The following GRIK4 variants were observed in gnomAD, a reference collection of about 807,000 sequenced individuals.
GRIK4 encodes glutamate ionotropic receptor kainate type subunit 4.
In GRIK4, 40 loss-of-function variants were observed where a neutral mutation model predicts 104.9. The ratio of observed to expected loss-of-function variants is 0.38; its 90% CI spans 0.30 to 0.50. The LOEUF is 0.50. Ranked by LOEUF, GRIK4 falls within the 20% of genes least tolerant of loss-of-function variation. GRIK4 has a pLI of 0.93. For synonymous variants in GRIK4, 485 were observed against 524.9 expected, an observed-to-expected ratio of 0.92 and a Z score of 1.04; for missense variants, 1,047 against 1,308.1, an observed-to-expected ratio of 0.80 and a Z score of 3.08.
intron 1 of GRIK4, among the ~76,000 whole-genome samples, chr11:120,646,404 A>G (rs190152999): frequency 1.1e-3 from 163 of 152,326 alleles, no homozygotes; most frequent in African/African-American, 3.7e-3. Context: ...TTTAAAACAG[A>G]TGCAGAGCTT....
At chr11:120,774,393 C>T (rs1212662666) in intron 3 of GRIK4, among the ~76,000 whole-genome samples, 3 of 152,130 alleles carry the variant, frequency 2.0e-5, no homozygotes, top group African/African-American at 7.2e-5. Flanking sequence ...AATTGGCTCA[C>T]ATGGTTATGG....
chr11:120,853,428 G>C (rs1272731254), intron 8 of GRIK4, among the ~76,000 whole-genome samples: 1 of 152,186 alleles, frequency 6.6e-6, no homozygotes, highest in Non-Finnish European at 1.5e-5. Flanking sequence ...CCGTAGTCTA[G>C]GACCAAGCTG....
intron 1 of GRIK4, among the ~76,000 whole-genome samples, chr11:120,647,918 G>T (rs1198571334): frequency 6.6e-6 from 1 of 152,214 alleles, no homozygotes; most frequent in Non-Finnish European, 1.5e-5. Context: ...GAGCTGGGTG[G>T]GTCCCAAGCA....
At chr11:120,726,240 T>G (rs761064793) in intron 3 of GRIK4, among the ~76,000 whole-genome samples, 7 of 152,194 alleles carry the variant, frequency 4.6e-5, no homozygotes, top group Non-Finnish European at 8.8e-5. Context: ...TAGGGTCTTG[T>G]AAGCCATAGT....
chr11:120,566,682 T>C (rs934465730), intron 1 of GRIK4, among the ~76,000 whole-genome samples: 4 of 151,646 alleles, frequency 2.6e-5, no homozygotes, highest in Admixed American at 6.6e-5. Flanking sequence ...TATCACAAGA[T>C]TTTTTTTCTT....
intron 6 of GRIK4, among the ~76,000 whole-genome samples, chr11:120,828,282 A>G (rs949916150): frequency 3.9e-5 from 6 of 152,240 alleles, no homozygotes; most frequent in African/African-American, 1.4e-4. Context: ...ACATCTATGC[A>G]CATACACATA....
chr11:120,603,918 C>T (rs1182506670), intron 1 of GRIK4, among the ~76,000 whole-genome samples: 1 of 143,524 alleles, frequency 7.0e-6, no homozygotes, highest in Non-Finnish European at 1.5e-5. Context: ...TGCCTATAAC[C>T]CCAGCACTTT....
chr11:120,588,109 G>T (rs1447525513), intron 1 of GRIK4, among the ~76,000 whole-genome samples: 1 of 152,154 alleles, frequency 6.6e-6, no homozygotes, highest in African/African-American at 2.4e-5. Context: ...TGTGTGGGCG[G>T]CCAGAGGGGC....
intron 1 of GRIK4, among the ~76,000 whole-genome samples, chr11:120,539,817 T>C (rs1278085146): frequency 6.6e-6 from 1 of 152,206 alleles, no homozygotes; most frequent in Admixed American, 6.5e-5. Flanking sequence ...CCTGGAGGGC[T>C]AAATAGGCAG....
chr11:120,975,606 G>A (rs980892953), intron 19 of GRIK4, among the ~76,000 whole-genome samples: 11 of 152,124 alleles, frequency 7.2e-5, no homozygotes, highest in African/African-American at 2.7e-4. Flanking sequence ...TCAAACATGC[G>A]ATGTCATGTT....
intron 9 of GRIK4, 159 bp downstream of exon 9, chr11:120,862,279 G>C (rs1289390645): frequency 6.1e-6 from 4 of 657,500 alleles, no homozygotes; most frequent in Non-Finnish European, 1.0e-5. Context: ...AGTGGTTGCA[G>C]GGTATGAGGT....
intron 1 of GRIK4, among the ~76,000 whole-genome samples, chr11:120,629,288 A>G (rs939584166): frequency 2.0e-5 from 3 of 152,172 alleles, no homozygotes; most frequent in Non-Finnish European, 4.4e-5. Context: ...TTCCCTTCCT[A>G]TGTGAGCTTC....
intron 3 of GRIK4, among the ~76,000 whole-genome samples, chr11:120,724,265 C>T (rs746738029): frequency 1.3e-4 from 20 of 152,206 alleles, no homozygotes; most frequent in Non-Finnish European, 2.4e-4. Context: ...CCTCCTTACT[C>T]AGCCTTCCAA....
intron 3 of GRIK4, among the ~76,000 whole-genome samples, chr11:120,726,273 G>T (rs886487119): frequency 3.9e-5 from 6 of 152,182 alleles, no homozygotes; most frequent in African/African-American, 1.4e-4. Flanking sequence ...GTTATTGTTT[G>T]CAGTAGAAAG....
At chr11:120,789,654 G>A (rs1952357798) in intron 3 of GRIK4, among the ~76,000 whole-genome samples, 4 of 152,006 alleles carry the variant, frequency 2.6e-5, no homozygotes, top group African/African-American at 9.7e-5. Flanking sequence ...GGACCTTCAG[G>A]CCTCCATCCC....
At chr11:120,529,006 A>G (rs1183215634) in intron 1 of GRIK4, among the ~76,000 whole-genome samples, 1 of 152,060 alleles carries the variant, frequency 6.6e-6, no homozygotes, top group African/African-American at 2.4e-5. Flanking sequence ...ACCTTTGCAC[A>G]TGCTGTTCAC....
intron 1 of GRIK4, among the ~76,000 whole-genome samples, chr11:120,546,073 G>C (rs1948082982): frequency 6.6e-6 from 1 of 152,168 alleles, no homozygotes; most frequent in Admixed American, 6.5e-5. Context: ...AAGAATCCGT[G>C]GTCTTTGTGG....
chr11:120,647,803 G>A (rs1949563295), intron 1 of GRIK4, among the ~76,000 whole-genome samples: 2 of 152,170 alleles, frequency 1.3e-5, no homozygotes, highest in African/African-American at 2.4e-5. Context: ...CTGAGTTCCC[G>A]CAGCCTGTTT....
At chr11:120,890,668 G>A (rs1592045952) in intron 11 of GRIK4, among the ~76,000 whole-genome samples, 1 of 152,216 alleles carries the variant, frequency 6.6e-6, no homozygotes, top group Non-Finnish European at 1.5e-5. Context: ...ACAGAAAGGT[G>A]TATGAAAGTG....
Sources: gnomAD v4.1 joint callset for allele counts (sites outside exome capture counted in the v4.1 genomes callset) on GRCh38, gnomAD v4.1.1 for gene constraint, MANE v1.5 for transcripts, NCBI Gene and HGNC (gene_info 2026-07-23, HGNC 2026-07-21) for gene names.